The following ZNF648 variants were observed in gnomAD, a reference collection of about 807,000 sequenced individuals.
ZNF648 encodes zinc finger protein 648.
A neutral mutation model predicts 0.3 loss-of-function variants in ZNF648; 1 was observed. The observed-to-expected ratio is 3.90, with a 90% CI of 1.39 to 18.51. ZNF648 has a LOEUF of 18.51. ZNF648 is among the 30% of genes most tolerant of loss of function. The probability of loss-of-function intolerance (pLI) is 0.11; values close to 1 mark genes in which losing one functional copy is unlikely to be tolerated. For synonymous variants in ZNF648, 376 were observed against 326.8 expected (o/e 1.15, Z -1.62); for missense variants, 874 against 769.7 (o/e 1.14, Z -1.60).
At chr1:182,063,118 T>G (rs1445726678), upstream of ZNF648, 1 of 152,228 alleles carries the variant, frequency 6.6e-6, no homozygotes, top group African/African-American at 2.4e-5. Flanking sequence ...GATGGGCATT[T>G]GGGTTGATTC....
Position 182,056,763 on chromosome 1 carries a change from G to C in ZNF648, c.1248C>G (p.Gly416=). 6.4e-7 allele frequency: 1 copy of C among 1,565,288 alleles called. No individual in the cohort carries two copies. The highest frequency in any genetic ancestry group is 8.7e-7 in the Non-Finnish European group (1 of 1,155,216). The change falls in exon 2 of 2, where the codon GGC becomes GGG. Residue 416 remains glycine (G), a synonymous_variant. Coordinates refer to ENST00000339948, the MANE Select transcript of ZNF648 (RefSeq NM_001009992.1). ...AGGTGGGGCAGGGGAAGGGCCGCTCGCCCGAGTGCACGCGCTGGTGCTCCA... is the reference window on the plus strand; with the variant it reads ...AGGTGGGGCAGGGGAAGGGCCGCTCCCCCGAGTGCACGCGCTGGTGCTCCA... ...RMVEHQRVHS[G]ERPFPCPTCG...
chr1:182,056,647 A>G lies in ZNF648; in HGVS notation c.1364T>C (p.Val455Ala). 6.2e-7 allele frequency: 1 copy of G among 1,609,764 alleles called. No individual in the cohort carries two copies. Among genetic ancestry groups the G allele is most frequent in the Admixed American group, 1.7e-5 (1 of 59,426 alleles). Residue 455 changes from valine to alanine, a missense_variant, in exon 2 of 2, where the codon GTG (valine) becomes GCG (alanine). Coordinates refer to ENST00000339948, the MANE Select transcript of ZNF648 (RefSeq NM_001009992.1). ...GAGGCGCGAGGGCTGCGCGAAGGCC[A>G]CGCCGCAGTCAGCGCACTTGAAAGG... ...QRPFKCADCG[V>A]AFAQPSRLVR...
At chr1:182,066,700 A>G (rs1337058446), upstream of ZNF648, among the ~76,000 whole-genome samples, 2 of 152,246 alleles carry the variant, frequency 1.3e-5, no homozygotes, top group African/African-American at 4.8e-5. Context: ...CATGCTCCTC[A>G]CCCATAAAAT....
In ZNF648 at chr1:182,056,709, A is replaced by G; in HGVS notation, c.1302T>C (p.Asn434=). ...TCGKCFTKSS[N]LSEHQTLHTG... ...TGTGCAGCGTCTGGTGCTCGGACAGATTGGAGGACTTGGTGAAGCACTTGC... is the reference window on the plus strand; with the variant it reads ...TGTGCAGCGTCTGGTGCTCGGACAGGTTGGAGGACTTGGTGAAGCACTTGC... Residue 434 remains asparagine (N), a synonymous_variant, in exon 2 of 2, where the codon AAT becomes AAC. Transcript: ENST00000339948. 4 of 1,595,422 alleles carry G rather than the reference A, an allele frequency of 2.5e-6. No individual in the cohort carries two copies. Among genetic ancestry groups the G allele is most frequent in the Non-Finnish European group, 3.4e-6 (4 of 1,171,032 alleles).
In ZNF648 at chr1:182,056,692, G is replaced by T; in HGVS notation, c.1319C>A (p.Thr440Lys). 2 of 1,601,158 alleles carry T rather than the reference G, an allele frequency of 1.2e-6. No individual in the cohort carries two copies. The highest frequency in any genetic ancestry group is 1.7e-6 in the Non-Finnish European group (2 of 1,173,746). ...TKSSNLSEHQ[T>K]LHTGQRPFKC... ...GAAAGGCCTCTGGCCGGTGTGCAGC[G>T]TCTGGTGCTCGGACAGATTGGAGGA... is the stretch of plus-strand genomic sequence containing the variant. Residue 440 changes from threonine to lysine, a missense_variant, in exon 2 of 2, where the codon ACG (threonine) becomes AAG (lysine). Physicochemically the swap from Thr to Lys is moderately conservative, Grantham distance 78. Coordinates refer to ENST00000339948, the MANE Select transcript of ZNF648 (RefSeq NM_001009992.1).
At position 182,057,143 on chromosome 1, in the gene ZNF648, G is replaced by A. The variant is rs144343224; in HGVS notation, c.868C>T (p.His290Tyr). The A allele has an allele frequency of 7.3e-4, 1,174 of 1,603,688 alleles. 1 individual carries two copies. The highest frequency in any genetic ancestry group is 5.6e-3 in the Middle Eastern group (34 of 6,048). ...ACELCGKAYS[H>Y]RGTLQQHRRL... The stretch of plus-strand genomic sequence containing the variant: ...CTGTGCTGCTGGAGTGTGCCGCGGT[G>A]GGAGTAGGCCTTCCCGCATAGCTCG... Residue 290 changes from histidine (H) to tyrosine (Y), a missense_variant, in exon 2 of 2, where the codon CAC becomes TAC. Transcript: ENST00000339948.
At chr1:182,068,648 GCT>G in the ZNF648 span, among the ~76,000 whole-genome samples, 1 of 152,168 alleles carries the variant, frequency 6.6e-6, no homozygotes, top group African/African-American at 2.4e-5. Context: ...AGGTGCAGTG[GCT>G]CATGCCTGTA....
chr1:182,060,577 C>A (rs908207093), intron 1 of ZNF648, among the ~76,000 whole-genome samples: 1 of 151,956 alleles, frequency 6.6e-6, no homozygotes, highest in African/African-American at 2.4e-5. Context: ...AGGGACCACT[C>A]CTCTTCTCTC....
Position 182,057,318 on chromosome 1 carries a change from C to G in ZNF648, c.693G>C (p.Arg231Ser). 6.2e-7 allele frequency: 1 copy of G among 1,606,698 alleles called. No individual in the cohort carries two copies. Among genetic ancestry groups the G allele is most frequent in the South Asian group, 1.1e-5 (1 of 90,820 alleles). Reference protein sequence around the residue: ...AAVLAKARNSRKVQNQAGRRE... With the variant: ...AAVLAKARNSSKVQNQAGRRE... ...GCCGGCCCGCCTGGTTCTGTACTTT[C>G]CTGCTGTTCCGCGCTTTTGCCAGGA... is the stretch of plus-strand genomic sequence containing the variant. Residue 231 changes from arginine to serine, a missense_variant, in exon 2 of 2, where the codon AGG (arginine) becomes AGC (serine). Coordinates refer to ENST00000339948, the MANE Select transcript of ZNF648 (RefSeq NM_001009992.1).
At position 182,055,941 on chromosome 1, in the gene ZNF648, G is replaced by A. The variant is rs759761630; in HGVS notation, c.*363C>T. 2 of 252,484 alleles carry A rather than the reference G, an allele frequency of 7.9e-6. No individual in the cohort carries two copies. Among genetic ancestry groups the A allele is most frequent in the Non-Finnish European group, 1.5e-5 (2 of 131,060 alleles). The allele number at this position is 252,484 out of a possible 1,614,324, so 15.6% of individuals were successfully genotyped here. The stretch of plus-strand genomic sequence containing the variant: ...ATGGCTTTGAGGGTAGGACAGGTTA[G>A]TCTTTTTCCCCACCTTATCCCTGGA... On this transcript the variant is annotated 3_prime_UTR_variant, in exon 2 of 2. Coordinates refer to ENST00000339948, the MANE Select transcript of ZNF648 (RefSeq NM_001009992.1). The surrounding 1 kb of genome is among the most constrained non-coding windows in gnomAD (Gnocchi z 4.1).
intron 1 of ZNF648, 82 bp from the exon 2 acceptor site, chr1:182,058,155 T>A (rs1665973126): frequency 1.0e-6 from 1 of 971,068 alleles, no homozygotes; most frequent in Admixed American, 3.0e-5. Context: ...AGGTTCCCAC[T>A]ATAGCTCTGT....
chr1:182,066,803 T>C, the ZNF648 span, among the ~76,000 whole-genome samples: 1 of 152,234 alleles, frequency 6.6e-6, no homozygotes, highest in Non-Finnish European at 1.5e-5. Context: ...TAGTCATTTT[T>C]CAATAAATTA....
upstream of ZNF648, chr1:182,064,671 C>T (rs1666074222): frequency 1.3e-5 from 2 of 152,102 alleles, no homozygotes; most frequent in South Asian, 2.1e-4. Context: ...CTTGAAGGGG[C>T]CATGATCCAA....
At chr1:182,063,381 T>C (rs1365018218), upstream of ZNF648, 1 of 152,236 alleles carries the variant, frequency 6.6e-6, no homozygotes, top group Non-Finnish European at 1.5e-5. Context: ...TCTTGACTTT[T>C]TGATAATCGC....
In ZNF648 at chr1:182,056,404, T is replaced by C. The variant is rs754607446; in HGVS notation, c.1607A>G (p.Asp536Gly). 3.7e-6 allele frequency: 6 copies of C among 1,614,106 alleles called. No individual in the cohort carries two copies. In the Admixed American group the frequency reaches 1.0e-4, roughly 27 times the overall value. The change falls in exon 2 of 2, where the codon GAC becomes GGC. Residue 536 changes from aspartate to glycine, a missense_variant. Asp to Gly is a moderately conservative substitution (Grantham distance 94). Transcript: ENST00000339948. ...GGACCTGGTGAAGGCCTGGCCGCAG[T>C]CCTCACACTGGTAGGGCCTCTCTCC... ...HNGERPYQCE[D>G]CGQAFTRSNH...
Position 182,056,110 on chromosome 1 carries a change from C to A in ZNF648, c.*194G>T. On this transcript the variant is annotated 3_prime_UTR_variant, in exon 2 of 2. Coordinates refer to ENST00000339948, the MANE Select transcript of ZNF648 (RefSeq NM_001009992.1). The stretch of plus-strand genomic sequence containing the variant: ...TGCTTATGACCTCGGACACTCAGAA[C>A]CACTGATGTGAAACCACCCACCTGG... 3 of 680,592 alleles carry A rather than the reference C, an allele frequency of 4.4e-6. No individual in the cohort carries two copies. Among genetic ancestry groups the A allele is most frequent in the Non-Finnish European group, 7.2e-6 (3 of 414,870 alleles). The allele number at this position is 680,592 out of a possible 1,614,324, so 42.2% of individuals were successfully genotyped here.
Position 182,057,124 on chromosome 1 carries a change from T to A in ZNF648, c.887A>T (p.Gln296Leu). ...CTCGCCCGTGTGCAGGCGCCTGTGC[T>A]GCTGGAGTGTGCCGCGGTGGGAGTA... ...KAYSHRGTLQ[Q>L]HRRLHTGERP... is the part of the protein sequence containing the mutation. Residue 296 changes from glutamine (Q) to leucine (L), a missense_variant, in exon 2 of 2, where the codon CAG (glutamine) becomes CTG (leucine). Coordinates refer to ENST00000339948, the MANE Select transcript of ZNF648 (RefSeq NM_001009992.1). 6.2e-7 allele frequency: 1 copy of A among 1,606,940 alleles called. No homozygotes were observed. Among genetic ancestry groups the A allele is most frequent in the Non-Finnish European group, 8.5e-7 (1 of 1,179,718 alleles).
At chr1:182,064,031 C>G (rs1666066560), upstream of ZNF648, 1 of 152,112 alleles carries the variant, frequency 6.6e-6, no homozygotes, top group African/African-American at 2.4e-5. Context: ...GGTTTTATTT[C>G]TAAGTTCTCT....
intron 1 of ZNF648, among the ~76,000 whole-genome samples, chr1:182,059,226 A>G (rs1236691547): frequency 6.6e-6 from 1 of 152,216 alleles, no homozygotes; most frequent in Non-Finnish European, 1.5e-5. Context: ...ACAGATGTCC[A>G]CTGGGGTACA....
Sources: gnomAD v4.1 joint callset for allele counts (sites outside exome capture counted in the v4.1 genomes callset) on GRCh38, gnomAD v4.1.1 for gene constraint, Gnocchi (gnomAD v3.1) non-coding constraint, MANE v1.5 for transcripts, NCBI Gene and HGNC (gene_info 2026-07-23, HGNC 2026-07-21) for gene names.